Variants in RTCA observed in about 807,000 individuals in gnomAD.
The protein encoded by RTCA is RNA terminal phosphate cyclase domain 1.
In RTCA, 37 loss-of-function variants were observed where a neutral mutation model predicts 46.1. That is an observed-to-expected ratio of 0.80 (90% CI 0.62 to 1.06). The LOEUF is 1.06. RTCA is among the 50% of genes least tolerant of loss of function. The probability of loss-of-function intolerance (pLI) is 0.00; values close to 1 mark genes in which losing one functional copy is unlikely to be tolerated. For synonymous variants in RTCA, 164 were observed against 158.3 expected, an observed-to-expected ratio of 1.04 and a Z score of -0.27; for missense variants, 435 against 455.5, an observed-to-expected ratio of 0.95 and a Z score of 0.41.
chr1:100,285,177 AGTTTTGTTTTGTTTT>A (rs58046505), intron 8 of RTCA, 36 bp from the exon 9 acceptor site: 248 of 1,280,396 alleles, frequency 1.9e-4, no homozygotes, highest in African/African-American at 1.4e-3. Context: ...CTTAGTAATT[AGTTTTGTTTTGTTTT>A]GTTTTGTTTT....
Position 100,291,691 on chromosome 1 carries a change from C to A in RTCA, c.*187C>A. On this transcript the variant is annotated 3_prime_UTR_variant, in exon 11 of 11. Transcript: ENST00000370128. ...CTTTGAATATCTCCTGAGAGATGGA[C>A]AATGAAATATCAGTTGGTGGATATG... 2.7e-6 allele frequency: 1 copy of A among 376,680 alleles called. No homozygotes were observed. Among genetic ancestry groups the A allele is most frequent in the Non-Finnish European group, 4.7e-6 (1 of 210,842 alleles). 23.3% of individuals were successfully genotyped at this position (376,680 alleles called of 1,614,324 possible).
At chr1:100,284,504 T>C (rs1666918086) in intron 8 of RTCA, among the ~76,000 whole-genome samples, 2 of 151,892 alleles carry the variant, frequency 1.3e-5, no homozygotes, top group South Asian at 4.1e-4. Context: ...AGTGATTCTC[T>C]TGCCTCAGCC....
At chr1:100,277,760 GT>G (rs1666474283) in intron 8 of RTCA, among the ~76,000 whole-genome samples, 1 of 150,600 alleles carries the variant, frequency 6.6e-6, no homozygotes, top group African/African-American at 2.4e-5. Context: ...ATAATGAATT[GT>G]TTCCAAAATA....
At chr1:100,285,187 T>A (rs748891290) in intron 8 of RTCA, 41 bp from the exon 9 acceptor site, 18 of 1,475,558 alleles carry the variant, frequency 1.2e-5, no homozygotes, top group Non-Finnish European at 1.5e-5. Flanking sequence ...AGTTTTGTTT[T>A]GTTTTGTTTT....
At chr1:100,273,287 C>T in intron 4 of RTCA, 107 bp from the exon 5 acceptor site, 1 of 642,392 alleles carries the variant, frequency 1.6e-6, no homozygotes, top group Non-Finnish European at 2.7e-6. Flanking sequence ...CACTGTTTAC[C>T]TATAGCACCC....
chr1:100,283,160 CT>C (rs71084815), intron 8 of RTCA, among the ~76,000 whole-genome samples: 57,075 of 102,236 alleles, frequency 0.56, 15,227 homozygotes, highest in East Asian at 0.81. Context: ...CCAAATATTC[CT>C]TTTTTTTTTT....
chr1:100,275,644 G>A lies in RTCA; in HGVS notation c.661G>A (p.Glu221Lys), dbSNP rs765905026. 1 of 1,612,360 alleles carries A rather than the reference G, an allele frequency of 6.2e-7. No homozygotes were observed. The highest frequency in any genetic ancestry group is 8.5e-7 in the Non-Finnish European group (1 of 1,179,112). Residue 221 changes from glutamate to lysine, a missense_variant, in exon 7 of 11, where the codon GAG becomes AAG. Transcript: ENST00000370128. ...AAAAVRCIRK[E>K]IRDLYVNIQP... is the part of the protein sequence containing the mutation. The stretch of plus-strand genomic sequence containing the variant: ...GGCAGCAGTTAGATGCATCAGAAAG[G>A]AGATCCGGGATTTGTATGTTAACAT...
In RTCA at chr1:100,275,705, G is replaced by C. The variant is rs1374359040; in HGVS notation, c.722G>C (p.Gly241Ala). Reference protein sequence around the residue: ...PVQEPKDQAFGNGNGIIIIAE... With the variant: ...PVQEPKDQAFANGNGIIIIAE... Reference sequence around the variant, plus strand: ...CAAGAACCTAAAGACCAAGCATTTGGCAATGGAAATGGAATAATGTGAGAC... The same window carrying C: ...CAAGAACCTAAAGACCAAGCATTTGCCAATGGAAATGGAATAATGTGAGAC... The change falls in exon 7 of 11, where the codon GGC (glycine) becomes GCC (alanine). Residue 241 changes from glycine to alanine, a missense_variant. Physicochemically the swap from Gly to Ala is moderately conservative, Grantham distance 60. Coordinates refer to ENST00000370128, the MANE Select transcript of RTCA (RefSeq NM_003729.4). 6.2e-7 allele frequency: 1 copy of C among 1,610,048 alleles called. No individual in the cohort carries two copies. The highest frequency in any genetic ancestry group is 1.7e-5 in the Admixed American group (1 of 59,620).
chr1:100,269,218 C>T (rs1157025077), intron 3 of RTCA, among the ~76,000 whole-genome samples: 1 of 151,736 alleles, frequency 6.6e-6, no homozygotes, highest in African/African-American at 2.4e-5. Context: ...AAGATAATGA[C>T]CAAGTGTTTC....
intron 8 of RTCA, among the ~76,000 whole-genome samples, chr1:100,282,025 C>T (rs1479571152): frequency 6.6e-6 from 1 of 152,106 alleles, no homozygotes; most frequent in Non-Finnish European, 1.5e-5. Flanking sequence ...TCTCTGATGT[C>T]CTAAAACAAG....
chr1:100,275,081 T>C, intron 6 of RTCA, 116 bp downstream of exon 6: 1 of 1,116,218 alleles, frequency 9.0e-7, no homozygotes, highest in Non-Finnish European at 1.3e-6. Context: ...AAAGAAATAA[T>C]GTCCTTTGTG....
At chr1:100,283,960 GAAAAAACAA>G (rs1666884731) in intron 8 of RTCA, among the ~76,000 whole-genome samples, 25 of 81,608 alleles carry the variant, frequency 3.1e-4, no homozygotes, top group East Asian at 7.6e-4. Context: ...GAAAAAACAA[GAAAAAACAA>G]GAAAAACAAA....
At chr1:100,278,359 C>T (rs1413682183) in intron 8 of RTCA, among the ~76,000 whole-genome samples, 1 of 152,186 alleles carries the variant, frequency 6.6e-6, no homozygotes, top group African/African-American at 2.4e-5. Flanking sequence ...AAGATACATA[C>T]ATGCATGTGT....
chr1:100,266,761 C>A, intron 2 of RTCA, 137 bp downstream of exon 2: 1 of 696,904 alleles, frequency 1.4e-6, no homozygotes, highest in South Asian at 1.8e-5. Flanking sequence ...CAGGGCGGGG[C>A]ACTCTGCCTG....
chr1:100,289,707 C>T (rs974847392), intron 10 of RTCA, among the ~76,000 whole-genome samples: 3 of 152,030 alleles, frequency 2.0e-5, no homozygotes, highest in Non-Finnish European at 4.4e-5. Flanking sequence ...ATAGTAGATG[C>T]TTACTTGTTA....
At chr1:100,268,403 G>GT (rs5776503) in intron 3 of RTCA, 108 bp downstream of exon 3, 260,376 of 696,666 alleles carry the variant, frequency 0.37, 16,330 homozygotes, top group East Asian at 0.51. Context: ...CTACTTTTAT[G>GT]TTTTTTTTTT....
At position 100,268,142 on chromosome 1, in the gene RTCA, T is replaced by A; in HGVS notation, c.147-10T>A. Reference sequence around the variant, plus strand: ...ATGCACACGTTTTGATGCAGTATTATGACCTGAAGGCCTCAACATTTATCT... The same window carrying A: ...ATGCACACGTTTTGATGCAGTATTAAGACCTGAAGGCCTCAACATTTATCT... On this transcript the variant is annotated splice_polypyrimidine_tract_variant and intron_variant, in intron 2 of 10. Coordinates refer to ENST00000370128, the MANE Select transcript of RTCA (RefSeq NM_003729.4). The A allele has an allele frequency of 1.2e-6, 2 of 1,614,060 alleles. No individual in the cohort carries two copies. The highest frequency in any genetic ancestry group is 1.1e-5 in the South Asian group (1 of 91,064).
chr1:100,275,719 A>G lies in RTCA; in HGVS notation c.736A>G (p.Ile246Val), dbSNP rs1276511177. ...KDQAFGNGNG[I>V]IIIAETSTGC... ...CCAAGCATTTGGCAATGGAAATGGA[A>G]TAATGTGAGACAATACTTTTTCCTA... Residue 246 changes from isoleucine to valine, a missense_variant, in exon 7 of 11, where the codon ATA becomes GTA. Physicochemically the swap from Ile to Val is conservative, Grantham distance 29. Transcript: ENST00000370128. 3 of 1,608,700 alleles carry G rather than the reference A, an allele frequency of 1.9e-6. No homozygotes were observed. Among genetic ancestry groups the G allele is most frequent in the African/African-American group, 2.7e-5 (2 of 74,924 alleles).
rs202070018 is a variant in RTCA at position 100,266,265 on chromosome 1, C to A, written c.-111C>A. On this transcript the variant is annotated 5_prime_UTR_variant, in exon 1 of 11. Coordinates refer to ENST00000370128, the MANE Select transcript of RTCA (RefSeq NM_003729.4). ...TCCGCTTTCTCGTCAGGCTCCTGCG[C>A]CCCAGGCATGAACCAAGGTTTCTGA... 1 of 1,065,380 alleles carries A rather than the reference C, an allele frequency of 9.4e-7. No individual in the cohort carries two copies. The highest frequency in any genetic ancestry group is 1.3e-6 in the Non-Finnish European group (1 of 748,586). 66.0% of individuals were successfully genotyped at this position (1,065,380 alleles called of 1,614,324 possible).
Sources: gnomAD v4.1 joint callset for allele counts (sites outside exome capture counted in the v4.1 genomes callset) on GRCh38, gnomAD v4.1.1 for gene constraint, MANE v1.5 for transcripts, NCBI Gene and HGNC (gene_info 2026-07-23, HGNC 2026-07-21) for gene names.